CAMKMT: variants seen among roughly 807,000 people sequenced by gnomAD.
CAMKMT encodes CaM KMT.
Under a neutral mutation model 48.0 loss-of-function variants are expected in CAMKMT, and 53 were observed. The ratio of observed to expected loss-of-function variants is 1.10; its 90% CI spans 0.89 to 1.39. The LOEUF (loss-of-function observed/expected upper bound fraction) is 1.39, where lower values mean the gene tolerates loss of function less well. Ranked by LOEUF, CAMKMT falls within the 40% of genes most tolerant of loss-of-function variation. The pLI, the probability that CAMKMT is intolerant of heterozygous loss-of-function variation, is 0.00. For missense variants in CAMKMT, 428 were observed against 402.7 expected, an observed-to-expected ratio of 1.06 and a Z score of -0.54; for synonymous variants, 165 against 152.3, an observed-to-expected ratio of 1.08 and a Z score of -0.61.
intron 3 of CAMKMT, among the ~76,000 whole-genome samples, chr2:44,498,818 T>C (rs554847012): frequency 7.2e-4 from 109 of 152,356 alleles, no homozygotes; most frequent in Non-Finnish European, 1.3e-3. Context: ...TCCTTAATTA[T>C]TGGCCAATAT....
chr2:44,721,074 A>C (rs989348998), intron 7 of CAMKMT, among the ~76,000 whole-genome samples: 2 of 152,198 alleles, frequency 1.3e-5, no homozygotes, highest in African/African-American at 4.8e-5. Flanking sequence ...TTTCCAAACA[A>C]ACAATCACAT....
rs528369676 is a variant in CAMKMT, at chr2:44,509,124, T to A, written c.376+118819T>A. ...AAAAAAAAAATTATATGTCTTAAAT[T>A]CCTGTAGCTTTAATGTGAGAACACT... On this transcript the variant is annotated intron_variant, in intron 3 of 10. Coordinates refer to ENST00000378494, the MANE Select transcript of CAMKMT (RefSeq NM_024766.5). 4.6e-5 allele frequency among the ~76,000 whole-genome samples: 7 copies of A among 150,876 alleles called. No homozygotes were observed. The East Asian group carries it at 1.4e-3, about 29-fold the overall frequency.
chr2:44,434,141 G>A (rs997739201), intron 3 of CAMKMT, among the ~76,000 whole-genome samples: 1 of 152,078 alleles, frequency 6.6e-6, no homozygotes, highest in African/African-American at 2.4e-5. Flanking sequence ...GGTAGTCTAG[G>A]GTTTGCAGTG....
At chr2:44,771,444 C>A (rs1288696054) in intron 10 of CAMKMT, among the ~76,000 whole-genome samples, 1 of 152,192 alleles carries the variant, frequency 6.6e-6, no homozygotes, top group Admixed American at 6.5e-5. Context: ...ATCCTCAGAA[C>A]TTCCCTGCAC....
At chr2:44,545,250 C>T (rs576355788) in intron 3 of CAMKMT, among the ~76,000 whole-genome samples, 38 of 152,344 alleles carry the variant, frequency 2.5e-4, no homozygotes, top group Non-Finnish European at 4.9e-4. Flanking sequence ...ATTAGCAATG[C>T]GAGTTCCAAA....
intron 1 of CAMKMT, 146 bp downstream of exon 1, chr2:44,362,291 C>A (rs1677961809): frequency 1.5e-6 from 1 of 667,468 alleles, no homozygotes; most frequent in Admixed American, 4.3e-5. Flanking sequence ...AGCTCCCCCT[C>A]GCTTCACCTA....
At chr2:44,639,610 A>T (rs1673334713) in intron 3 of CAMKMT, among the ~76,000 whole-genome samples, 1 of 152,198 alleles carries the variant, frequency 6.6e-6, no homozygotes, top group African/African-American at 2.4e-5. Flanking sequence ...GCACTATACA[A>T]GTGTAGCAGT....
At chr2:44,709,331 G>C (rs1178786484) in intron 6 of CAMKMT, among the ~76,000 whole-genome samples, 1 of 152,136 alleles carries the variant, frequency 6.6e-6, no homozygotes, top group African/African-American at 2.4e-5. Context: ...AGATAAAGTA[G>C]GTCTTTTCAG....
chr2:44,408,179 C>T (rs1006839698), intron 3 of CAMKMT, among the ~76,000 whole-genome samples: 4 of 152,082 alleles, frequency 2.6e-5, no homozygotes, highest in East Asian at 1.9e-4. Flanking sequence ...GTGCACACCA[C>T]CACGTCCAGC....
At chr2:44,745,677 A>G (rs2104377273) in intron 8 of CAMKMT, among the ~76,000 whole-genome samples, 1 of 152,232 alleles carries the variant, frequency 6.6e-6, no homozygotes. Context: ...TAAATGCCAG[A>G]ATGTCAGCCT....
intron 3 of CAMKMT, among the ~76,000 whole-genome samples, chr2:44,516,530 C>G (rs923752072): frequency 1.6e-4 from 25 of 151,964 alleles, no homozygotes; most frequent in African/African-American, 5.3e-4. Flanking sequence ...GATTGCCTCT[C>G]TAAATATCAA....
At chr2:44,668,455 C>G (rs1675132857) in intron 3 of CAMKMT, among the ~76,000 whole-genome samples, 1 of 152,194 alleles carries the variant, frequency 6.6e-6, no homozygotes, top group Non-Finnish European at 1.5e-5. Flanking sequence ...ACCATAAAAT[C>G]ATGTGGCAGT....
intron 3 of CAMKMT, among the ~76,000 whole-genome samples, chr2:44,435,333 G>A (rs535780775): frequency 6.6e-6 from 1 of 151,978 alleles, no homozygotes; most frequent in East Asian, 1.9e-4. Flanking sequence ...TTATTGTTGG[G>A]CACGCATCCA....
rs1447394732 is a variant in CAMKMT at position 44,657,281 on chromosome 2, C to T, written c.377-47002C>T. Among the ~76,000 whole-genome samples the T allele has an allele frequency of 6.6e-6, 1 of 152,132 alleles. No individual in the cohort carries two copies. Among genetic ancestry groups the T allele is most frequent in the African/African-American group, 2.4e-5 (1 of 41,410 alleles). On this transcript the variant is annotated intron_variant, in intron 3 of 10. Coordinates refer to ENST00000378494, the MANE Select transcript of CAMKMT (RefSeq NM_024766.5). The surrounding 1 kb of genome is among the most constrained non-coding windows in gnomAD (Gnocchi z 4.3). ...GTACATTAAAGAACTAAAGAAATGC[C>T]AGAAGAGTGTTGCACAAGTTAATTG... is the stretch of plus-strand genomic sequence containing the variant.
rs796215450 is a variant in CAMKMT, at chr2:44,681,132, G to A, written c.377-23151G>A. On this transcript the variant is annotated intron_variant, in intron 3 of 10. Transcript: ENST00000378494. Reference sequence around the variant, plus strand: ...AAAAGCTTTAGGCTGAATCAAGTTAGGCAGTGGTAGACAACAAGAGGCAGG... The same window carrying A: ...AAAAGCTTTAGGCTGAATCAAGTTAAGCAGTGGTAGACAACAAGAGGCAGG... Among the ~76,000 whole-genome samples, 139 of 152,272 alleles carry A rather than the reference G, an allele frequency of 9.1e-4. 2 individuals carry two copies. Among genetic ancestry groups the A allele is most frequent in the African/African-American group, 3.3e-3 (136 of 41,566 alleles).
chr2:44,606,712 A>G (rs1470521336), intron 3 of CAMKMT, among the ~76,000 whole-genome samples: 3 of 152,102 alleles, frequency 2.0e-5, no homozygotes, highest in East Asian at 3.8e-4. Context: ...ATCCAATTCA[A>G]TGTTCTACCC....
At chr2:44,467,000 C>T (rs111488817) in intron 3 of CAMKMT, among the ~76,000 whole-genome samples, 14,526 of 152,226 alleles carry the variant, frequency 0.095, 1,000 homozygotes, top group African/African-American at 0.18. Context: ...CCTGTAATCC[C>T]AGCACCTTGG....
chr2:44,437,523 A>C (rs1291903252), intron 3 of CAMKMT, among the ~76,000 whole-genome samples: 1 of 140,970 alleles, frequency 7.1e-6, no homozygotes, highest in East Asian at 1.9e-4. Flanking sequence ...TTTTTCTTCA[A>C]GCCATAAGCC....
chr2:44,659,566 C>A (rs377105319), intron 3 of CAMKMT, among the ~76,000 whole-genome samples: 2,573 of 111,650 alleles, frequency 0.023, no homozygotes, highest in African/African-American at 0.03. Context: ...CCCATCTCTA[C>A]AAAAAAAAAA....
Sources: gnomAD v4.1 joint callset for allele counts (sites outside exome capture counted in the v4.1 genomes callset) on GRCh38, gnomAD v4.1.1 for gene constraint, Gnocchi (gnomAD v3.1) non-coding constraint, MANE v1.5 for transcripts, NCBI Gene and HGNC (gene_info 2026-07-23, HGNC 2026-07-21) for gene names.